Variants in PCDHGB1 observed in about 807,000 individuals in gnomAD.
PCDHGB1 encodes the protein protocadherin gamma subfamily B, 1.
In PCDHGB1, 34 loss-of-function variants were observed where a neutral mutation model predicts 56.6. The ratio of observed to expected loss-of-function variants is 0.60; its 90% confidence interval spans 0.46 to 0.80. PCDHGB1 has a LOEUF of 0.80. Among genes scored for constraint, PCDHGB1 ranks in the 30% least tolerant of loss-of-function variants. The probability of loss-of-function intolerance (pLI) is 0.00; values close to 1 mark genes in which losing one functional copy is unlikely to be tolerated. For missense variants in PCDHGB1, 1,278 were observed against 1,204.6 expected (o/e 1.06, Z -0.90); for synonymous variants, 561 against 505.9 (o/e 1.11, Z -1.46).
intron 1 of PCDHGB1, chr5:141,375,893 C>G (rs1156930577): frequency 5.0e-6 from 8 of 1,613,804 alleles, no homozygotes; most frequent in Non-Finnish European, 5.1e-6. Flanking sequence ...GAACGCCTGG[C>G]TGTCCTACCG....
At chr5:141,399,466 G>A (rs1229342978) in intron 1 of PCDHGB1, 5 of 1,613,886 alleles carry the variant, frequency 3.1e-6, no homozygotes, top group East Asian at 4.5e-5. Context: ...TAACGCTCCG[G>A]TTTTCCACCA....
Position 141,410,368 on chromosome 5 carries a change from T to C in PCDHGB1, c.2409+57699T>C, listed in dbSNP as rs751198926. 5.6e-6 allele frequency: 9 copies of C among 1,613,956 alleles called. No homozygotes were observed. The African/African-American group carries it at 1.2e-4, about 22-fold the overall frequency. On this transcript the variant is annotated intron_variant, in intron 1 of 3. Coordinates refer to ENST00000523390, the MANE Select transcript of PCDHGB1 (RefSeq NM_018922.3). Reference sequence around the variant, plus strand: ...GCCTGCGACGCTCTCTCAGCCCTGCTACTTGGGACTGCTTCCATCCTGGTC... The same window carrying C: ...GCCTGCGACGCTCTCTCAGCCCTGCCACTTGGGACTGCTTCCATCCTGGTC...
chr5:141,366,456 T>A, intron 1 of PCDHGB1: 1 of 1,614,224 alleles, frequency 6.2e-7, no homozygotes, highest in Non-Finnish European at 8.5e-7. Context: ...GCCTTCGTCA[T>A]CGTGCTGCTG....
In PCDHGB1 at chr5:141,482,773, C is replaced by A. The variant is rs2009076; in HGVS notation, c.2410-12034C>A. ...ATTATGGTATTTCATTATCACTGAA[C>A]CTTAAACTGTGTGTGTGGCCGGGTA... On this transcript the variant is annotated intron_variant, in intron 1 of 3. Coordinates refer to ENST00000523390, the MANE Select transcript of PCDHGB1 (RefSeq NM_018922.3). 9.1e-3 allele frequency among the ~76,000 whole-genome samples: 1,158 copies of A among 127,768 alleles called. 29 individuals carry two copies. Among genetic ancestry groups the A allele is most frequent in the Middle Eastern group, 0.013 (3 of 228 alleles). 83.8% of individuals were successfully genotyped at this position (127,768 alleles called of 152,430 possible). A position where few individuals can be genotyped will look rare whatever the true frequency, so the allele number is the denominator to read the frequency against.
intron 1 of PCDHGB1, chr5:141,364,438 G>T: frequency 6.2e-7 from 1 of 1,613,820 alleles, no homozygotes; most frequent in African/African-American, 1.3e-5. Flanking sequence ...ACTCGATGCC[G>T]GAGGAGCTGG....
intron 1 of PCDHGB1, among the ~76,000 whole-genome samples, chr5:141,463,545 T>C (rs1433047951): frequency 6.8e-6 from 1 of 146,704 alleles, no homozygotes; most frequent in East Asian, 2.1e-4. Flanking sequence ...GGCTCCCGGG[T>C]TCATGCCATT....
chr5:141,355,198 G>A (rs748031143), intron 1 of PCDHGB1: 2 of 1,596,582 alleles, frequency 1.3e-6, no homozygotes, highest in East Asian at 2.2e-5. Flanking sequence ...CGGCGGGGTT[G>A]TAATGGCGGC....
chr5:141,433,358 C>CGTAT, intron 1 of PCDHGB1: 1 of 503,368 alleles, frequency 2.0e-6, no homozygotes, highest in Non-Finnish European at 3.5e-6. Context: ...CTACTGTCTG[C>CGTAT]CTATCTATCT....
chr5:141,384,742 G>A (rs1477575254), intron 1 of PCDHGB1: 1 of 1,613,976 alleles, frequency 6.2e-7, no homozygotes, highest in African/African-American at 1.3e-5. Flanking sequence ...CAGCGAGCCA[G>A]GACTCTTTGC....
At chr5:141,412,441 G>C (rs1334085357) in intron 1 of PCDHGB1, 1 of 152,124 alleles carries the variant, frequency 6.6e-6, no homozygotes, top group African/African-American at 2.4e-5. Flanking sequence ...GTTAATTAAG[G>C]CTCAGTAAAA....
intron 1 of PCDHGB1, chr5:141,370,267 C>G (rs960781969): frequency 3.9e-6 from 3 of 767,522 alleles, no homozygotes; most frequent in Non-Finnish European, 6.1e-6. Flanking sequence ...CTTCCTGCAG[C>G]GGAGACACCC....
At chr5:141,405,074 G>A (rs536930748) in intron 1 of PCDHGB1, 7 of 1,613,794 alleles carry the variant, frequency 4.3e-6, no homozygotes, top group Non-Finnish European at 5.1e-6. Context: ...CCTCACCTTC[G>A]TTATCACGCT....
intron 1 of PCDHGB1, chr5:141,399,764 T>C: frequency 6.2e-7 from 1 of 1,613,252 alleles, no homozygotes; most frequent in Non-Finnish European, 8.5e-7. Flanking sequence ...AGCCTGCGCG[T>C]GTTGGTGGGC....
intron 1 of PCDHGB1, among the ~76,000 whole-genome samples, chr5:141,451,498 C>A (rs2098717552): frequency 6.6e-6 from 1 of 152,208 alleles, no homozygotes; most frequent in South Asian, 2.1e-4. Flanking sequence ...CTCCATAGGG[C>A]AACCAGCTTC....
intron 2 of PCDHGB1, among the ~76,000 whole-genome samples, chr5:141,497,050 G>A (rs113054804): frequency 6.6e-5 from 10 of 152,096 alleles, no homozygotes; most frequent in East Asian, 5.8e-4. Context: ...TTAGCCAGGC[G>A]TGGTGGCAGG....
At chr5:141,365,503 T>G (rs755169931) in intron 1 of PCDHGB1, 1 of 1,613,948 alleles carries the variant, frequency 6.2e-7, no homozygotes, top group Non-Finnish European at 8.5e-7. Flanking sequence ...GGAATTTGCC[T>G]TTTAAATTGG....
intron 1 of PCDHGB1, chr5:141,366,064 G>T (rs761173450): frequency 5.5e-5 from 88 of 1,614,106 alleles, no homozygotes; most frequent in Middle Eastern, 1.6e-4. Context: ...TGGAGCTGGC[G>T]CCTCGCTCCG....
intron 1 of PCDHGB1, chr5:141,413,967 G>A: frequency 6.2e-7 from 1 of 1,613,428 alleles, no homozygotes; most frequent in Non-Finnish European, 8.5e-7. Context: ...TGGGCACTCA[G>A]CTGCTGACAG....
Position 141,490,491 on chromosome 5 carries a change from A to T in PCDHGB1, c.2410-4316A>T. 1 of 1,614,098 alleles carries T rather than the reference A, an allele frequency of 6.2e-7. No individual in the cohort carries two copies. Among genetic ancestry groups the T allele is most frequent in the Non-Finnish European group, 8.5e-7 (1 of 1,180,022 alleles). ...GCCAGCCTTTGGACCGGGAGGCCAC[A>T]TCCCACTATATCATCGAGCTGCTGG... On this transcript the variant is annotated intron_variant, in intron 1 of 3. Coordinates refer to ENST00000523390, the MANE Select transcript of PCDHGB1 (RefSeq NM_018922.3). This position sits in a 1 kb window ranked among gnomAD's most constrained non-coding sequence, Gnocchi z 5.4.
Sources: gnomAD v4.1 joint callset for allele counts (sites outside exome capture counted in the v4.1 genomes callset) on GRCh38, gnomAD v4.1.1 for gene constraint, Gnocchi (gnomAD v3.1) non-coding constraint, MANE v1.5 for transcripts, NCBI Gene and HGNC (gene_info 2026-07-23, HGNC 2026-07-21) for gene names.